Variants in FOXO1 observed in about 807,000 individuals in gnomAD.
FOXO1 encodes forkhead box O1.
Under a neutral mutation model 44.1 loss-of-function variants are expected in FOXO1, and 6 were observed. The observed-to-expected ratio is 0.14, with a 90% CI of 0.07 to 0.27. The LOEUF is 0.27. Ranked by LOEUF, FOXO1 falls within the 10% of genes least tolerant of loss-of-function variation. The pLI, the probability that FOXO1 is intolerant of heterozygous loss-of-function variation, is 1.00. For synonymous variants in FOXO1, 380 were observed against 362.7 expected (o/e 1.05, Z -0.54); for missense variants, 737 against 888.8 (o/e 0.83, Z 2.17).
chr13:40,645,821 A>G (rs1007501423), intron 1 of FOXO1, among the ~76,000 whole-genome samples: 4 of 152,278 alleles, frequency 2.6e-5, no homozygotes, highest in Admixed American at 1.3e-4. Context: ...AGTGGCTGAC[A>G]CCTGTAATCC....
intron 1 of FOXO1, among the ~76,000 whole-genome samples, chr13:40,632,779 C>T (rs909122766): frequency 3.3e-5 from 5 of 150,986 alleles, no homozygotes; most frequent in African/African-American, 1.2e-4. Flanking sequence ...CCTGTCTCTA[C>T]TAAAAATAAA....
chr13:40,624,038 AG>A (rs1429951069), intron 1 of FOXO1, among the ~76,000 whole-genome samples: 3 of 151,352 alleles, frequency 2.0e-5, no homozygotes, highest in Non-Finnish European at 4.4e-5. Flanking sequence ...CAGGAGTTTG[AG>A]GCTGTAATGA....
chr13:40,625,111 G>A (rs1439659284), intron 1 of FOXO1, among the ~76,000 whole-genome samples: 2 of 152,152 alleles, frequency 1.3e-5, no homozygotes, highest in Non-Finnish European at 2.9e-5. Context: ...ACACTTTAAT[G>A]CAATGGAATT....
intron 1 of FOXO1, among the ~76,000 whole-genome samples, chr13:40,582,861 C>T (rs1207783848): frequency 2.0e-5 from 3 of 152,202 alleles, no homozygotes; most frequent in Non-Finnish European, 4.4e-5. Flanking sequence ...GCTATTATGA[C>T]CTCCTCCCAT....
At chr13:40,650,815 C>T (rs1479763351) in intron 1 of FOXO1, among the ~76,000 whole-genome samples, 3 of 152,104 alleles carry the variant, frequency 2.0e-5, no homozygotes, top group African/African-American at 4.8e-5. Context: ...AGTGCAGTGG[C>T]GCAATCTTGG....
chr13:40,665,021 G>A (rs1010667464), intron 1 of FOXO1, among the ~76,000 whole-genome samples: 2 of 151,908 alleles, frequency 1.3e-5, no homozygotes, highest in Non-Finnish European at 2.9e-5. Flanking sequence ...AATGCGCACC[G>A]CCTCCAGAAA....
At chr13:40,587,020 G>C (rs1490755776) in intron 1 of FOXO1, among the ~76,000 whole-genome samples, 1 of 152,160 alleles carries the variant, frequency 6.6e-6, no homozygotes, top group Non-Finnish European at 1.5e-5. Flanking sequence ...GACTGAAATA[G>C]CAGATTGCCT....
intron 1 of FOXO1, among the ~76,000 whole-genome samples, chr13:40,658,040 A>T (rs1249542628): frequency 1.3e-5 from 2 of 152,230 alleles, no homozygotes; most frequent in Non-Finnish European, 2.9e-5. Flanking sequence ...ACATACAGAC[A>T]TTAAAGTTAA....
intron 1 of FOXO1, among the ~76,000 whole-genome samples, chr13:40,586,538 C>A (rs1365992426): frequency 6.6e-6 from 1 of 152,098 alleles, no homozygotes; most frequent in Non-Finnish European, 1.5e-5. Flanking sequence ...CTCTTGCAGT[C>A]TGGAATAAAA....
intron 1 of FOXO1, among the ~76,000 whole-genome samples, chr13:40,598,200 G>T (rs2137875288): frequency 6.6e-6 from 1 of 152,294 alleles, no homozygotes; most frequent in East Asian, 1.9e-4. Context: ...TGAGCAGACA[G>T]AACACCGGCG....
At position 40,560,333 on chromosome 13, in the gene FOXO1, T is replaced by C; in HGVS notation, c.1158A>G (p.Ser386=). Residue 386 remains serine, a synonymous_variant, in exon 2 of 3, where the codon TCA becomes TCG. Transcript: ENST00000379561. The surrounding 1 kb of genome is among the most constrained non-coding windows in gnomAD (Gnocchi z 5.1). The stretch of plus-strand genomic sequence containing the variant: ...GTGAGGACTGGGTCGAAACAGTTAA[T>C]GATGTTGGTGATGAGAGAAGGTTGA... ...DNLNLLSSPT[S]LTVSTQSSPG... The C allele has an allele frequency of 6.2e-7, 1 of 1,614,184 alleles. No homozygotes were observed. Among genetic ancestry groups the C allele is most frequent in the Non-Finnish European group, 8.5e-7 (1 of 1,180,052 alleles).
At chr13:40,619,393 A>T in intron 1 of FOXO1, 1 of 750,164 alleles carries the variant, frequency 1.3e-6, no homozygotes, top group Non-Finnish European at 2.3e-6. Flanking sequence ...ATAGTTGAAC[A>T]CCTTTCGGGG....
chr13:40,616,581 A>G (rs1257466567), intron 1 of FOXO1, among the ~76,000 whole-genome samples: 4 of 152,356 alleles, frequency 2.6e-5, no homozygotes, highest in Non-Finnish European at 5.9e-5. Context: ...ACTCACAGGT[A>G]GCAGCAGCGG....
At chr13:40,613,081 G>T (rs1444462066) in intron 1 of FOXO1, among the ~76,000 whole-genome samples, 2 of 152,206 alleles carry the variant, frequency 1.3e-5, no homozygotes, top group Non-Finnish European at 2.9e-5. Context: ...GCTGTAAGAT[G>T]ATCTCCAGTA....
Position 40,594,537 on chromosome 13 carries a change from C to T in FOXO1, c.631-33677G>A, listed in dbSNP as rs149092855. Among the ~76,000 whole-genome samples, 386 of 152,238 alleles carry T rather than the reference C, an allele frequency of 2.5e-3. 1 individual carries two copies. Among genetic ancestry groups the T allele is most frequent in the African/African-American group, 8.4e-3 (347 of 41,556 alleles). ...ATGGACATTAATTAACAAAAACAAA[C>T]GTTCAACCTGCCACAGTGGGGAGCA... is the stretch of plus-strand genomic sequence containing the variant. On this transcript the variant is annotated intron_variant, in intron 1 of 2. Transcript: ENST00000379561.
chr13:40,624,009 T>C (rs866060162), intron 1 of FOXO1, among the ~76,000 whole-genome samples: 139 of 147,220 alleles, frequency 9.4e-4, no homozygotes, highest in African/African-American at 3.4e-3. Context: ...GAAGCTGAGG[T>C]GGGAGGATGG....
In FOXO1 at chr13:40,560,387, G is replaced by C. The variant is rs752627269; in HGVS notation, c.1104C>G (p.Pro368=). 6.2e-7 allele frequency: 1 copy of C among 1,614,104 alleles called. No homozygotes were observed. ...TATCCAAAAGATTTTCCATGTTTTC[G>C]GGATTGCTTATCTCAGACAGACTGG... ...TLPSLSEISN[P]ENMENLLDNL... is the part of the protein sequence containing the mutation. Residue 368 remains proline (P), a synonymous_variant, in exon 2 of 3, where the codon CCC becomes CCG. Coordinates refer to ENST00000379561, the MANE Select transcript of FOXO1 (RefSeq NM_002015.4). This position sits in a 1 kb window ranked among gnomAD's most constrained non-coding sequence, Gnocchi z 5.1.
chr13:40,640,490 C>T (rs780582351), intron 1 of FOXO1, among the ~76,000 whole-genome samples: 1 of 152,208 alleles, frequency 6.6e-6, no homozygotes, highest in African/African-American at 2.4e-5. Context: ...GTTAGAAGGG[C>T]GGCTTTAGCA....
At chr13:40,630,296 A>T (rs1046390077) in intron 1 of FOXO1, among the ~76,000 whole-genome samples, 7 of 152,174 alleles carry the variant, frequency 4.6e-5, no homozygotes, top group Non-Finnish European at 4.4e-5. Context: ...CCTTCTAAAC[A>T]GTCTGGGGCT....
Sources: gnomAD v4.1 joint callset for allele counts (sites outside exome capture counted in the v4.1 genomes callset) on GRCh38, gnomAD v4.1.1 for gene constraint, Gnocchi (gnomAD v3.1) non-coding constraint, MANE v1.5 for transcripts, NCBI Gene and HGNC (gene_info 2026-07-23, HGNC 2026-07-21) for gene names.